The following TESK2 variants were observed in gnomAD, a reference collection of about 807,000 sequenced individuals.
TESK2 encodes testis associated actin remodelling kinase 2.
In TESK2, 39 loss-of-function variants were observed where a neutral mutation model predicts 57.1. The ratio of observed to expected loss-of-function variants is 0.68; its 90% CI spans 0.53 to 0.89. TESK2 has a LOEUF of 0.89. Among genes scored for constraint, TESK2 ranks in the 40% least tolerant of loss-of-function variants. The pLI is 0.00. For synonymous variants in TESK2, 249 were observed against 267.9 expected (o/e 0.93, Z 0.69); for missense variants, 646 against 732.1 (o/e 0.88, Z 1.36).
At chr1:45,476,675 A>G (rs1653005930) in intron 1 of TESK2, among the ~76,000 whole-genome samples, 3 of 150,000 alleles carry the variant, frequency 2.0e-5, no homozygotes, top group Non-Finnish European at 4.4e-5. Context: ...GTGAAACCCC[A>G]TCTCTACTAA....
chr1:45,348,201 G>A (rs1227773872), intron 5 of TESK2, among the ~76,000 whole-genome samples: 1 of 152,116 alleles, frequency 6.6e-6, no homozygotes, highest in Non-Finnish European at 1.5e-5. Flanking sequence ...GTCTTGGGTG[G>A]CTGTCCTAGG....
intron 4 of TESK2, among the ~76,000 whole-genome samples, chr1:45,377,802 C>T (rs564834419): frequency 1.3e-5 from 2 of 149,720 alleles, no homozygotes; most frequent in East Asian, 2.1e-4. Context: ...CCGAGGTGGG[C>T]GGATCACGAG....
At chr1:45,452,350 TC>T (rs2149297938) in intron 2 of TESK2, among the ~76,000 whole-genome samples, 1 of 152,090 alleles carries the variant, frequency 6.6e-6, no homozygotes, top group South Asian at 2.1e-4. Flanking sequence ...TAAGAAAGTA[TC>T]TAGAAGCCAA....
At chr1:45,355,264 G>A (rs1647370464) in intron 5 of TESK2, 39 bp downstream of exon 5, 3 of 1,603,164 alleles carry the variant, frequency 1.9e-6, no homozygotes, top group South Asian at 1.1e-5. Context: ...AGAGAAGGGT[G>A]GTATCTCTCA....
At chr1:45,352,350 G>T (rs1647253519) in intron 5 of TESK2, among the ~76,000 whole-genome samples, 1 of 152,182 alleles carries the variant, frequency 6.6e-6, no homozygotes, top group Non-Finnish European at 1.5e-5. Context: ...AGTTGACACT[G>T]GGAATACCCA....
At chr1:45,382,225 T>G (rs1006986283) in intron 4 of TESK2, among the ~76,000 whole-genome samples, 3 of 152,072 alleles carry the variant, frequency 2.0e-5, no homozygotes, top group African/African-American at 7.2e-5. Context: ...TCATGTGACT[T>G]TTCACCAAAC....
rs748185854 is a variant in TESK2 at position 45,345,376 on chromosome 1, C to T, written c.1180G>A (p.Ala394Thr). The T allele has an allele frequency of 2.5e-6, 4 of 1,614,020 alleles. No individual in the cohort carries two copies. The highest frequency in any genetic ancestry group is 1.7e-5 in the Admixed American group (1 of 60,002). Reference sequence around the variant, plus strand: ...AAAGGGTTGACTTTGGGGGTGCGGGCAGCACCATCTCGTGGCCGGTAGTAT... The same window carrying T: ...AAAGGGTTGACTTTGGGGGTGCGGGTAGCACCATCTCGTGGCCGGTAGTAT... ...DPYYRPRDGA[A>T]RTPKVNPFSA... The change falls in exon 11 of 11, where the codon GCC (alanine) becomes ACC (threonine). Residue 394 changes from alanine to threonine, a missense_variant. Ala to Thr is a moderately conservative substitution (Grantham distance 58, BLOSUM62 0). Transcript: ENST00000372086.
intron 1 of TESK2, among the ~76,000 whole-genome samples, chr1:45,466,045 C>T (rs1239280255): frequency 6.6e-6 from 1 of 152,032 alleles, no homozygotes; most frequent in Non-Finnish European, 1.5e-5. Context: ...TAAAAATACA[C>T]AAAATAATAT....
rs757891839 is a variant in TESK2, at chr1:45,345,145, A to G, written c.1411T>C (p.Phe471Leu). The change falls in exon 11 of 11, where the codon TTT (phenylalanine) becomes CTT (leucine). Residue 471 changes from phenylalanine to leucine, a missense_variant. Transcript: ENST00000372086. The part of the protein sequence containing the change: ...PEFLHQEACP[F>L]VGREESLSDG... ...GATAGCGATTCTTCCCGGCCCACAA[A>G]TGGACAAGCCTCTTGATGCAAGAAC... 3 of 1,614,152 alleles carry G rather than the reference A, an allele frequency of 1.9e-6. No individual in the cohort carries two copies. Among genetic ancestry groups the G allele is most frequent in the South Asian group, 1.1e-5 (1 of 91,084 alleles).
intron 4 of TESK2, among the ~76,000 whole-genome samples, chr1:45,383,688 C>T (rs752636948): frequency 2.6e-5 from 4 of 152,176 alleles, no homozygotes; most frequent in Non-Finnish European, 5.9e-5. Flanking sequence ...AATGAATTCA[C>T]ATTTCAGAGA....
intron 3 of TESK2, among the ~76,000 whole-genome samples, chr1:45,421,330 G>A (rs1425590248): frequency 6.6e-6 from 1 of 152,122 alleles, no homozygotes; most frequent in Non-Finnish European, 1.5e-5. Flanking sequence ...GATAACTTGA[G>A]GGTGTAATTT....
intron 3 of TESK2, among the ~76,000 whole-genome samples, chr1:45,389,608 A>C (rs935788851): frequency 6.6e-6 from 1 of 152,130 alleles, no homozygotes; most frequent in Admixed American, 6.6e-5. Context: ...TAAATTACCC[A>C]GTTTCTGGTA....
At chr1:45,377,357 C>T (rs1282755872) in intron 4 of TESK2, among the ~76,000 whole-genome samples, 1 of 149,318 alleles carries the variant, frequency 6.7e-6, no homozygotes, top group Admixed American at 6.7e-5. Flanking sequence ...CGATTAAATT[C>T]AAGTGATGAG....
chr1:45,379,987 C>T (rs1648592396), intron 4 of TESK2, among the ~76,000 whole-genome samples: 1 of 152,040 alleles, frequency 6.6e-6, no homozygotes, highest in South Asian at 2.1e-4. Context: ...CAACCTCCAC[C>T]TCCCAGGTTC....
chr1:45,375,632 T>G (rs951781515), intron 4 of TESK2, among the ~76,000 whole-genome samples: 5 of 152,130 alleles, frequency 3.3e-5, no homozygotes, highest in Admixed American at 1.3e-4. Flanking sequence ...GTACAGTGGC[T>G]CATGCCTGTA....
At position 45,354,738 on chromosome 1, in the gene TESK2, G is replaced by A. The variant is rs149947567; in HGVS notation, c.540+565C>T. 1.4e-4 allele frequency among the ~76,000 whole-genome samples: 18 copies of A among 132,212 alleles called. No homozygotes were observed. The East Asian group carries it at 3.3e-3, about 24-fold the overall frequency. 86.7% of individuals were successfully genotyped at this position (132,212 alleles called of 152,430 possible). A position where few individuals can be genotyped will look rare whatever the true frequency, so the allele number is the denominator to read the frequency against. ...GATGGAGTGGAGGCTGCAGTGAGCC[G>A]AGACCATGCCACTGTACTCCAGCCT... is the stretch of plus-strand genomic sequence containing the variant. On this transcript the variant is annotated intron_variant, in intron 5 of 10. Transcript: ENST00000372086.
intron 3 of TESK2, among the ~76,000 whole-genome samples, chr1:45,404,687 G>T (rs888517788): frequency 6.6e-6 from 1 of 151,868 alleles, no homozygotes; most frequent in Non-Finnish European, 1.5e-5. Flanking sequence ...GGGATTACAG[G>T]CATGCGCCAC....
At chr1:45,437,889 A>G (rs978513482) in intron 2 of TESK2, among the ~76,000 whole-genome samples, 2 of 152,210 alleles carry the variant, frequency 1.3e-5, no homozygotes, top group African/African-American at 4.8e-5. Context: ...TTACAGACAC[A>G]CATAAGTGTT....
chr1:45,440,652 G>A (rs1370098720), intron 2 of TESK2, among the ~76,000 whole-genome samples: 2 of 151,860 alleles, frequency 1.3e-5, no homozygotes, highest in African/African-American at 4.8e-5. Flanking sequence ...GGAGGCAGAG[G>A]CTGCAGTGAG....
Sources: allele counts gnomAD v4.1 joint callset (sites outside exome capture counted in the v4.1 genomes callset), GRCh38; gene constraint gnomAD v4.1.1; transcripts MANE v1.5; gene names NCBI Gene and HGNC (gene_info 2026-07-23, HGNC 2026-07-21).